The following GLI2 variants were observed in gnomAD, a reference collection of about 807,000 sequenced individuals.
GLI2 encodes the protein GLI family zinc finger 2, also known as transcription activator GLI2.
Under a neutral mutation model 78.9 loss-of-function variants are expected in GLI2, and 22 were observed. That is an observed-to-expected ratio of 0.28 (90% CI 0.20 to 0.40). The LOEUF is 0.40. Ranked by LOEUF, GLI2 falls within the 10% of genes least tolerant of loss-of-function variation. GLI2 has a pLI of 1.00. For missense variants in GLI2, 2,097 were observed against 2,213.2 expected (o/e 0.95, Z 1.05); for synonymous variants, 974 against 963.7 (o/e 1.01, Z -0.20).
rs551933951 is a variant in GLI2, at chr2:120,968,066, A to G, written c.644-648A>G. Among the ~76,000 whole-genome samples, 477 of 152,276 alleles carry G rather than the reference A, an allele frequency of 3.1e-3. 2 individuals carry two copies. Among genetic ancestry groups the G allele is most frequent in the South Asian group, 2.7e-3 (13 of 4,824 alleles). Reference sequence around the variant, plus strand: ...CTTACTTCCATTCCCTCTCTTCCCCATGGAATTCTCCATAGCAGTGGGAAC... The same window carrying G: ...CTTACTTCCATTCCCTCTCTTCCCCGTGGAATTCTCCATAGCAGTGGGAAC... On this transcript the variant is annotated intron_variant, in intron 5 of 13. Transcript: ENST00000361492.
At chr2:120,761,563 T>C (rs1011122909) in intron 1 of GLI2, among the ~76,000 whole-genome samples, 1 of 151,016 alleles carries the variant, frequency 6.6e-6, no homozygotes, top group African/African-American at 2.4e-5. Flanking sequence ...GTGGAGGGCG[T>C]AGTGGGATAG....
intron 1 of GLI2, among the ~76,000 whole-genome samples, chr2:120,788,337 G>A (rs1684054554): frequency 1.3e-5 from 2 of 152,254 alleles, no homozygotes; most frequent in Non-Finnish European, 2.9e-5. Context: ...GTGAGAGCAA[G>A]CTTTCTGGAT....
chr2:120,918,839 C>T (rs1679228879), intron 2 of GLI2, among the ~76,000 whole-genome samples: 1 of 152,208 alleles, frequency 6.6e-6, no homozygotes, highest in South Asian at 2.1e-4. Context: ...TAGCGAATGA[C>T]AGAGCCGTGG....
At chr2:120,738,037 C>T (rs1682421232) in intron 1 of GLI2, among the ~76,000 whole-genome samples, 1 of 152,190 alleles carries the variant, frequency 6.6e-6, no homozygotes, top group African/African-American at 2.4e-5. Flanking sequence ...CAGGCCCTCC[C>T]TGGGGCCTGG....
chr2:120,805,396 G>C (rs1684903438), intron 2 of GLI2, among the ~76,000 whole-genome samples: 1 of 152,248 alleles, frequency 6.6e-6, no homozygotes, highest in Non-Finnish European at 1.5e-5. Flanking sequence ...AGAGGACAGT[G>C]CCGGTGGCTC....
intron 2 of GLI2, among the ~76,000 whole-genome samples, chr2:120,806,497 G>C (rs1473328719): frequency 1.3e-5 from 2 of 152,054 alleles, no homozygotes; most frequent in Non-Finnish European, 2.9e-5. Context: ...CAGGTGGAAA[G>C]AGGAAAGGGT....
At chr2:120,834,506 G>A (rs766117909) in intron 2 of GLI2, among the ~76,000 whole-genome samples, 1 of 152,166 alleles carries the variant, frequency 6.6e-6, no homozygotes, top group African/African-American at 2.4e-5. Flanking sequence ...GGATCAGTTG[G>A]TTTGCACACA....
At chr2:120,885,483 A>T (rs1479481489) in intron 2 of GLI2, among the ~76,000 whole-genome samples, 1 of 152,120 alleles carries the variant, frequency 6.6e-6, no homozygotes, top group Non-Finnish European at 1.5e-5. Context: ...AGGCCTTTCC[A>T]CCCGTCCCTT....
intron 1 of GLI2, among the ~76,000 whole-genome samples, chr2:120,768,189 C>T (rs995125941): frequency 3.3e-5 from 5 of 152,242 alleles, no homozygotes; most frequent in East Asian, 1.9e-4. Flanking sequence ...CGCCTTTACC[C>T]GGCGTCGGCT....
chr2:120,950,512 G>A (rs1053876313), intron 3 of GLI2, among the ~76,000 whole-genome samples: 6 of 152,320 alleles, frequency 3.9e-5, no homozygotes, highest in African/African-American at 1.4e-4. Context: ...GGGGACATGG[G>A]GGTGGGCCCT....
Position 120,737,009 on chromosome 2 carries a change from C to G in GLI2, c.-31+724C>G, listed in dbSNP as rs984717669. ...CCTTCCACCTCACTTTCATCCCTGC[C>G]CCCCTACTCATCGTCTCTCCCCACC... On this transcript the variant is annotated intron_variant, in intron 1 of 13. Transcript: ENST00000361492. This position sits in a 1 kb window ranked among gnomAD's most constrained non-coding sequence, Gnocchi z 4.3. Among the ~76,000 whole-genome samples the G allele has an allele frequency of 6.6e-6, 1 of 152,050 alleles. No homozygotes were observed. The highest frequency in any genetic ancestry group is 1.5e-5 in the Non-Finnish European group (1 of 68,012).
chr2:120,808,651 T>G (rs929135144), intron 2 of GLI2, among the ~76,000 whole-genome samples: 2 of 152,090 alleles, frequency 1.3e-5, no homozygotes, highest in Non-Finnish European at 1.5e-5. Flanking sequence ...GCCATGTTGG[T>G]GACAAGAAAA....
intron 2 of GLI2, among the ~76,000 whole-genome samples, chr2:120,844,901 G>A (rs1395402733): frequency 6.6e-6 from 1 of 152,118 alleles, no homozygotes; most frequent in Non-Finnish European, 1.5e-5. Context: ...GGTGATGAAC[G>A]TTAACCTCTC....
chr2:120,774,304 T>G (rs1683615198), intron 1 of GLI2, among the ~76,000 whole-genome samples: 1 of 152,200 alleles, frequency 6.6e-6, no homozygotes, highest in South Asian at 2.1e-4. Context: ...TTTATTGAGA[T>G]GTAATTCGCG....
chr2:120,983,515 C>T (rs549473925), intron 11 of GLI2, among the ~76,000 whole-genome samples: 1 of 152,344 alleles, frequency 6.6e-6, no homozygotes, highest in African/African-American at 2.4e-5. Flanking sequence ...TTGTTGGTAG[C>T]CCCCTGGCCT....
chr2:120,774,431 A>G (rs1467419843), intron 1 of GLI2, among the ~76,000 whole-genome samples: 2 of 152,076 alleles, frequency 1.3e-5, no homozygotes, highest in African/African-American at 2.4e-5. Flanking sequence ...AGTTCTACAC[A>G]TTTTTATCAC....
At chr2:120,881,690 ATAGTCGGGAGGACAGTGGGGAGAGGG>A (rs1677143967) in intron 2 of GLI2, among the ~76,000 whole-genome samples, 6 of 47,112 alleles carry the variant, frequency 1.3e-4, no homozygotes, top group African/African-American at 2.6e-4. Flanking sequence ...TGGGGGGAGG[ATAGTCGGGAGGACAGTGGGGAGAGGG>A]CAGGTGGGGG....
At chr2:120,798,059 G>A (rs991548475) in intron 2 of GLI2, among the ~76,000 whole-genome samples, 39 of 152,240 alleles carry the variant, frequency 2.6e-4, no homozygotes, top group Admixed American at 1.1e-3. Flanking sequence ...AAAGTTTGGC[G>A]GGAAGGCGAG....
intron 2 of GLI2, among the ~76,000 whole-genome samples, chr2:120,819,181 T>C (rs1024189454): frequency 1.3e-5 from 2 of 151,940 alleles, no homozygotes; most frequent in Non-Finnish European, 2.9e-5. Context: ...GAGGTTTGTG[T>C]TGCACTTTAA....
Sources: gnomAD v4.1 joint callset for allele counts (sites outside exome capture counted in the v4.1 genomes callset) on GRCh38, gnomAD v4.1.1 for gene constraint, Gnocchi (gnomAD v3.1) non-coding constraint, MANE v1.5 for transcripts, NCBI Gene and HGNC (gene_info 2026-07-23, HGNC 2026-07-21) for gene names.